Variants in CD96 observed in about 807,000 individuals in gnomAD.
The protein encoded by CD96 is CD96 molecule.
Under a neutral mutation model 71.3 loss-of-function variants are expected in CD96, and 70 were observed. The observed-to-expected ratio is 0.98, with a 90% CI of 0.81 to 1.20. The LOEUF is 1.20. Among genes scored for constraint, CD96 ranks in the 50% most tolerant of loss-of-function variants. The pLI, the probability that CD96 is intolerant of heterozygous loss-of-function variation, is 0.00. For missense variants in CD96, 742 were observed against 677.5 expected (o/e 1.10, Z -1.06); for synonymous variants, 248 against 233.0 (o/e 1.06, Z -0.59).
At chr3:111,573,802 C>T (rs374831674) in intron 3 of CD96, among the ~76,000 whole-genome samples, 3 of 145,070 alleles carry the variant, frequency 2.1e-5, no homozygotes, top group African/African-American at 2.4e-5. Flanking sequence ...GTAAGTGGTA[C>T]TATAGACAAT....
chr3:111,589,254 T>C (rs1395735638), intron 5 of CD96, among the ~76,000 whole-genome samples: 2 of 152,170 alleles, frequency 1.3e-5, no homozygotes, highest in Non-Finnish European at 2.9e-5. Flanking sequence ...CCGGCCTGTT[T>C]TTGTTTTTTA....
At chr3:111,599,752 C>A (rs1220482485) in intron 6 of CD96, among the ~76,000 whole-genome samples, 2 of 152,024 alleles carry the variant, frequency 1.3e-5, no homozygotes, top group African/African-American at 2.4e-5. Flanking sequence ...TAAATTTATT[C>A]TCCTGTTAAA....
At chr3:111,553,469 T>G (rs1934830686) in intron 2 of CD96, among the ~76,000 whole-genome samples, 1 of 145,752 alleles carries the variant, frequency 6.9e-6, no homozygotes, top group South Asian at 2.2e-4. Context: ...ACGTGATAGA[T>G]GATGCATAGT....
At chr3:111,544,245 A>G (rs1047321436) in intron 1 of CD96, among the ~76,000 whole-genome samples, 2 of 152,146 alleles carry the variant, frequency 1.3e-5, no homozygotes, top group Non-Finnish European at 2.9e-5. Flanking sequence ...CCCAGGTTCA[A>G]GCGATTCTCC....
At chr3:111,653,579 G>T (rs948233962), downstream of CD96, among the ~76,000 whole-genome samples, 1 of 152,136 alleles carries the variant, frequency 6.6e-6, no homozygotes, top group Non-Finnish European at 1.5e-5. Flanking sequence ...TTTAGAGGTC[G>T]TTTTACAAAA....
chr3:111,556,257 GGTTA>G (rs895344160), intron 2 of CD96, among the ~76,000 whole-genome samples: 5 of 46,254 alleles, frequency 1.1e-4, no homozygotes, highest in African/African-American at 3.8e-4. Context: ...ACATTGTGCA[GGTTA>G]GTTACATATG....
In CD96 at chr3:111,598,163, A is replaced by C. The variant is rs746814507; in HGVS notation, c.851A>C (p.Asn284Thr). 2 of 1,504,898 alleles carry C rather than the reference A, an allele frequency of 1.3e-6. No individual in the cohort carries two copies. Among genetic ancestry groups the C allele is most frequent in the African/African-American group, 2.8e-5 (2 of 72,614 alleles). 93.2% of individuals were successfully genotyped at this position (1,504,898 alleles called of 1,614,324 possible). ...CTAAAGAATGTATTTCCCAAAGCAA[A>C]TATCACATGGTTTATAGATGGAAGT... The part of the protein sequence containing the change: ...CLLKNVFPKA[N>T]ITWFIDGSFL... Residue 284 changes from asparagine (N) to threonine (T), a missense_variant, in exon 6 of 14, where the codon AAT becomes ACT. Physicochemically the swap from Asn to Thr is moderately conservative, Grantham distance 65 (BLOSUM62 0). Coordinates refer to ENST00000352690, the MANE Select transcript of CD96 (RefSeq NM_005816.5).
chr3:111,600,393 GTATAAAT>G (rs1937439372), intron 6 of CD96, among the ~76,000 whole-genome samples: 1 of 152,178 alleles, frequency 6.6e-6, no homozygotes, highest in Non-Finnish European at 1.5e-5. Flanking sequence ...CCTAGACTAG[GTATAAAT>G]TATCAGTCTC....
At chr3:111,601,082 C>T (rs1937477375) in intron 7 of CD96, among the ~76,000 whole-genome samples, 168 bp downstream of exon 7, 1 of 152,152 alleles carries the variant, frequency 6.6e-6, no homozygotes, top group Admixed American at 6.5e-5. Context: ...AGTAGGACTC[C>T]AGTGAAAAGA....
rs552283279 is a variant in CD96, at chr3:111,649,729, C to T, written c.1633C>T (p.Pro545Ser). The T allele has an allele frequency of 6.2e-7, 1 of 1,613,916 alleles. No individual in the cohort carries two copies. Among genetic ancestry groups the T allele is most frequent in the African/African-American group, 1.3e-5 (1 of 75,072 alleles). ...MERPPPFKPP[P>S]PPIKYTCIQE... ...AAGACCTCCACCTTTCAAGCCACCA[C>T]CACCTCCCATCAAGTACACTTGCAT... Residue 545 changes from proline (P) to serine (S), a missense_variant, in exon 14 of 14, where the codon CCA becomes TCA. By Grantham distance (74) the Pro-to-Ser change is moderately conservative. Transcript: ENST00000352690.
chr3:111,545,005 G>A (rs756098557), intron 1 of CD96, 41 bp from the exon 2 acceptor site: 45 of 1,523,696 alleles, frequency 3.0e-5, no homozygotes, highest in Non-Finnish European at 4.1e-5. Flanking sequence ...GTCATTCTAT[G>A]TGAATTATTT....
chr3:111,659,093 G>T (rs78712004), intron 14 of CD96, among the ~76,000 whole-genome samples: 5,077 of 152,152 alleles, frequency 0.033, 243 homozygotes, highest in African/African-American at 0.1. Flanking sequence ...GATTTCAATT[G>T]CTTCCTGATT....
At chr3:111,615,755 T>A (rs1938199276) in intron 8 of CD96, among the ~76,000 whole-genome samples, 1 of 152,120 alleles carries the variant, frequency 6.6e-6, no homozygotes, top group Admixed American at 6.5e-5. Context: ...AGGAGGGAAG[T>A]GGGCAGTAAA....
intron 6 of CD96, among the ~76,000 whole-genome samples, chr3:111,600,520 A>G (rs1937444739): frequency 6.6e-6 from 1 of 152,220 alleles, no homozygotes; most frequent in South Asian, 2.1e-4. Flanking sequence ...TTATACCCTG[A>G]CCATGGATCA....
chr3:111,561,963 C>G (rs1458017921), intron 2 of CD96, among the ~76,000 whole-genome samples: 1 of 151,606 alleles, frequency 6.6e-6, no homozygotes, highest in Non-Finnish European at 1.5e-5. Flanking sequence ...GTGGGAGTGA[C>G]CCGATTTTCC....
At chr3:111,657,900 G>A (rs565954365) in intron 14 of CD96, among the ~76,000 whole-genome samples, 2 of 152,230 alleles carry the variant, frequency 1.3e-5, no homozygotes, top group South Asian at 2.1e-4. Context: ...TCTTAATCAC[G>A]TCTGTGTGTA....
chr3:111,561,635 G>T (rs1935415336), intron 2 of CD96, among the ~76,000 whole-genome samples: 1 of 140,384 alleles, frequency 7.1e-6, no homozygotes, highest in East Asian at 2.1e-4. Context: ...GGACATTTAA[G>T]TCTGCAGAGG....
rs752501148 is a variant in CD96, at chr3:111,624,394, T to C, written c.1311T>C (p.Asp437=). 14 of 1,602,250 alleles carry C rather than the reference T, an allele frequency of 8.7e-6. No homozygotes were observed. Among genetic ancestry groups the C allele is most frequent in the African/African-American group, 1.3e-5 (1 of 74,660 alleles). The stretch of plus-strand genomic sequence containing the variant: ...ATCCCTGGACCTCCAGTGGGACAGA[T>C]ACCAAAAAATGTTAAGTATAATCGT... ...FNYPWTSSGT[D]TKKSVSRIPS... is the part of the protein sequence containing the mutation. The change falls in exon 10 of 14, where the codon GAT becomes GAC. Residue 437 remains aspartate, a synonymous_variant. Transcript: ENST00000352690.
chr3:111,556,046 G>C (rs1935005086), intron 2 of CD96, among the ~76,000 whole-genome samples: 1 of 152,264 alleles, frequency 6.6e-6, no homozygotes, highest in Non-Finnish European at 1.5e-5. Flanking sequence ...ATTTGCTATT[G>C]AGAACATCTA....
Sources: allele counts gnomAD v4.1 joint callset (sites outside exome capture counted in the v4.1 genomes callset), GRCh38; gene constraint gnomAD v4.1.1; transcripts MANE v1.5; gene names NCBI Gene and HGNC (gene_info 2026-07-23, HGNC 2026-07-21).